The following SUSD4 variants were observed in gnomAD, a reference collection of about 807,000 sequenced individuals.
SUSD4 encodes sushi domain containing 4.
Under a neutral mutation model 50.5 loss-of-function variants are expected in SUSD4, and 41 were observed. The ratio of observed to expected loss-of-function variants is 0.81; its 90% CI spans 0.63 to 1.05. SUSD4 has a LOEUF of 1.05. Ranked by LOEUF, SUSD4 falls within the 50% of genes least tolerant of loss-of-function variation. The pLI, the probability that SUSD4 is intolerant of heterozygous loss-of-function variation, is 0.00. For missense variants in SUSD4, 580 were observed against 634.7 expected, an observed-to-expected ratio of 0.91 and a Z score of 0.93; for synonymous variants, 257 against 257.3, an observed-to-expected ratio of 1.00 and a Z score of 0.01.
chr1:223,280,457 CT>C (rs1663631454), intron 3 of SUSD4, among the ~76,000 whole-genome samples: 1 of 151,922 alleles, frequency 6.6e-6, no homozygotes, highest in South Asian at 2.1e-4. Context: ...ATAAAACAGA[CT>C]TTAAACCAAC....
chr1:223,354,359 A>G (rs1572129138), intron 2 of SUSD4, among the ~76,000 whole-genome samples: 1 of 151,584 alleles, frequency 6.6e-6, no homozygotes, highest in Non-Finnish European at 1.5e-5. Context: ...AAAAAAGAAC[A>G]CCTCGCATCC....
chr1:223,254,624 A>G (rs1661565363), intron 5 of SUSD4, among the ~76,000 whole-genome samples: 1 of 152,226 alleles, frequency 6.6e-6, no homozygotes, highest in South Asian at 2.1e-4. Flanking sequence ...ATCTACTTGA[A>G]AAAAAGGAAT....
chr1:223,274,484 T>A (rs1444750402), intron 3 of SUSD4, among the ~76,000 whole-genome samples: 1 of 152,204 alleles, frequency 6.6e-6, no homozygotes, highest in Non-Finnish European at 1.5e-5. Flanking sequence ...TTAAGACCTT[T>A]TGGCTTGCAG....
In SUSD4 at chr1:223,235,485, C is replaced by A. The variant is rs376654852; in HGVS notation, c.725-6097G>T. On this transcript the variant is annotated intron_variant, in intron 5 of 8. Transcript: ENST00000366878. ...GTTATCATGCAGGGTAGTTTCATTG[C>A]CCCCCCAAATCCTCTGTGCTCTGCC... 9.6e-4 allele frequency among the ~76,000 whole-genome samples: 146 copies of A among 151,932 alleles called. No homozygotes were observed. The South Asian group carries it at 0.012, about 13-fold the overall frequency.
intron 5 of SUSD4, among the ~76,000 whole-genome samples, chr1:223,256,836 G>C (rs1184637745): frequency 3.9e-5 from 6 of 152,322 alleles, no homozygotes; most frequent in Admixed American, 1.3e-4. Flanking sequence ...AGGCCTAGAA[G>C]AGTAGTGTCA....
At chr1:223,282,446 C>T (rs1315900083) in intron 3 of SUSD4, among the ~76,000 whole-genome samples, 4 of 152,126 alleles carry the variant, frequency 2.6e-5, no homozygotes, top group Non-Finnish European at 4.4e-5. Context: ...ACACCAATAA[C>T]AGACAAACAG....
chr1:223,307,376 A>G (rs1157514427), intron 2 of SUSD4, among the ~76,000 whole-genome samples: 2 of 152,242 alleles, frequency 1.3e-5, no homozygotes, highest in Non-Finnish European at 2.9e-5. Context: ...TTTTACATAT[A>G]CAATCTCATT....
intron 2 of SUSD4, among the ~76,000 whole-genome samples, chr1:223,326,617 C>G (rs1666891424): frequency 6.6e-6 from 1 of 151,852 alleles, no homozygotes; most frequent in Admixed American, 6.6e-5. Context: ...GACTAGTAGC[C>G]AGAATCTACA....
chr1:223,227,950 G>A lies in SUSD4; in HGVS notation c.917-212C>T, dbSNP rs1485208788. Among the ~76,000 whole-genome samples, 1 of 152,224 alleles carries A rather than the reference G, an allele frequency of 6.6e-6. No homozygotes were observed. Among genetic ancestry groups the A allele is most frequent in the Non-Finnish European group, 1.5e-5 (1 of 68,032 alleles). ...AACACTAAAAACCTGTCTCCAGCAT[G>A]GGCTCTGCCAGGTTGCAGACCTGCA... On this transcript the variant is annotated intron_variant, in intron 6 of 8. Transcript: ENST00000366878. This position sits in a 1 kb window ranked among gnomAD's most constrained non-coding sequence, Gnocchi z 4.5.
At chr1:223,314,163 G>A (rs1666041027) in intron 2 of SUSD4, among the ~76,000 whole-genome samples, 1 of 152,120 alleles carries the variant, frequency 6.6e-6, no homozygotes, top group South Asian at 2.1e-4. Flanking sequence ...GTCCGGATCA[G>A]TAACAGCTTT....
chr1:223,295,588 G>A (rs188764900), intron 2 of SUSD4, among the ~76,000 whole-genome samples: 1 of 152,106 alleles, frequency 6.6e-6, no homozygotes, highest in African/African-American at 2.4e-5. Flanking sequence ...CAGGTCGGAA[G>A]GTATGGAGGT....
At chr1:223,249,526 C>T (rs980086342) in intron 5 of SUSD4, among the ~76,000 whole-genome samples, 5 of 152,236 alleles carry the variant, frequency 3.3e-5, no homozygotes, top group African/African-American at 9.6e-5. Flanking sequence ...TTAGCAAGTC[C>T]TAATAGATGA....
intron 5 of SUSD4, among the ~76,000 whole-genome samples, chr1:223,234,261 T>G (rs73120300): frequency 0.043 from 6,514 of 152,260 alleles, 295 homozygotes; most frequent in East Asian, 0.11. Context: ...TTCCCTCATT[T>G]TCCAGCCTCC....
chr1:223,355,092 TC>T (rs1668585482), intron 2 of SUSD4, among the ~76,000 whole-genome samples: 1 of 150,998 alleles, frequency 6.6e-6, no homozygotes, highest in Admixed American at 6.6e-5. Flanking sequence ...TTTTTTTTTT[TC>T]AGATGGAGTC....
intron 2 of SUSD4, among the ~76,000 whole-genome samples, chr1:223,307,702 T>A (rs1440692532): frequency 6.6e-6 from 1 of 152,186 alleles, no homozygotes; most frequent in Non-Finnish European, 1.5e-5. Flanking sequence ...CTCCAGACAG[T>A]GTGTGCAAGA....
chr1:223,334,232 A>G (rs150158906), intron 2 of SUSD4, among the ~76,000 whole-genome samples: 1 of 152,318 alleles, frequency 6.6e-6, no homozygotes, highest in Non-Finnish European at 1.5e-5. Flanking sequence ...AGAGTTCCTT[A>G]TCATTAAAAT....
chr1:223,316,548 C>T (rs1031010306), intron 2 of SUSD4, among the ~76,000 whole-genome samples: 1 of 152,084 alleles, frequency 6.6e-6, no homozygotes, highest in Non-Finnish European at 1.5e-5. Flanking sequence ...TGGAGAAGCC[C>T]GTTGACCTGC....
rs78135613 is a variant in SUSD4 at position 223,303,495 on chromosome 1, A to T, written c.149-10844T>A. 4.9e-3 allele frequency among the ~76,000 whole-genome samples: 720 copies of T among 147,542 alleles called. 8 individuals carry two copies. Among genetic ancestry groups the T allele is most frequent in the Middle Eastern group, 0.027 (8 of 292 alleles). On this transcript the variant is annotated intron_variant, in intron 2 of 8. Coordinates refer to ENST00000366878, the MANE Select transcript of SUSD4 (RefSeq NM_017982.4). ...TTTTTGACCTGCAAATTGTGACCTT[A>T]CAGGACATTCAATAGTTTTTGACCT...
intron 5 of SUSD4, chr1:223,263,747 C>T (rs1481945930): frequency 3.0e-6 from 3 of 985,346 alleles, no homozygotes; most frequent in Non-Finnish European, 3.6e-6. Flanking sequence ...CTTCCTCCCA[C>T]ACAGAGGTGC....
Sources: allele counts gnomAD v4.1 joint callset (sites outside exome capture counted in the v4.1 genomes callset), GRCh38; gene constraint gnomAD v4.1.1; non-coding constraint Gnocchi (gnomAD v3.1); transcripts MANE v1.5; gene names NCBI Gene and HGNC (gene_info 2026-07-23, HGNC 2026-07-21).